Variants in MAPT observed in about 807,000 individuals in gnomAD.
MAPT encodes microtubule-associated protein tau.
MAPT carries 34 observed loss-of-function variants against 67.9 expected under a neutral mutation model. That is an observed-to-expected ratio of 0.50 (90% CI 0.38 to 0.67). The LOEUF (loss-of-function observed/expected upper bound fraction) is 0.67, where lower values mean the gene tolerates loss of function less well. MAPT is among the 30% of genes least tolerant of loss of function. The pLI, the probability that MAPT is intolerant of heterozygous loss-of-function variation, is 0.00. For missense variants in MAPT, 881 were observed against 1,115.2 expected (o/e 0.79, Z 2.99); for synonymous variants, 456 against 464.5 (o/e 0.98, Z 0.23).
At chr17:45,927,700 T>A (rs1568182357) in intron 1 of MAPT, among the ~76,000 whole-genome samples, 1 of 152,136 alleles carries the variant, frequency 6.6e-6, no homozygotes, top group Non-Finnish European at 1.5e-5. Context: ...CCCAGCCAGA[T>A]TTTTTTAAAA....
intron 4 of MAPT, chr17:45,978,658 T>G (rs2072636707): frequency 1.8e-6 from 1 of 569,906 alleles, no homozygotes. Flanking sequence ...AGGCATTTAG[T>G]GTTCTGAAAG....
chr17:45,905,797 T>C (rs1439813189), intron 1 of MAPT, among the ~76,000 whole-genome samples: 1 of 152,234 alleles, frequency 6.6e-6, no homozygotes, highest in African/African-American at 2.4e-5. Flanking sequence ...ATGTGGTCTC[T>C]CTTCTGTTCG....
intron 12 of MAPT, 41 bp from the exon 13 acceptor site, chr17:46,023,915 T>C: frequency 1.3e-6 from 2 of 1,566,576 alleles, no homozygotes; most frequent in Non-Finnish European, 1.8e-6. Flanking sequence ...GGTCTTTCTC[T>C]GGCACTTCAT....
intron 1 of MAPT, among the ~76,000 whole-genome samples, chr17:45,930,338 T>A: frequency 6.8e-6 from 1 of 147,198 alleles, no homozygotes. Flanking sequence ...ACCTGGGAGG[T>A]AGAGGTTGCA....
chr17:46,001,511 C>T (rs144381753), intron 9 of MAPT, among the ~76,000 whole-genome samples: 86 of 152,278 alleles, frequency 5.6e-4, no homozygotes, highest in African/African-American at 1.8e-3. Flanking sequence ...TAAGAGCTGG[C>T]TCCTGGCTGG....
At chr17:46,019,377 C>T (rs988736497) in intron 12 of MAPT, among the ~76,000 whole-genome samples, 1 of 152,084 alleles carries the variant, frequency 6.6e-6, no homozygotes, top group Non-Finnish European at 1.5e-5. Flanking sequence ...GGTGGGGACA[C>T]AGCCAAACCA....
In MAPT at chr17:45,941,701, G is replaced by GCCTTCCTTCCTTCCTTCCTTCCTT. The variant is rs1555690435; in HGVS notation, c.-17-20617_-17-20616insTCCTTCCTTCCTTCCTTCCTTCCT. Among the ~76,000 whole-genome samples, 13 of 73,540 alleles carry GCCTTCCTTCCTTCCTTCCTTCCTT rather than the reference G, an allele frequency of 1.8e-4. 1 individual carries two copies. The highest frequency in any genetic ancestry group is 1.2e-3 in the South Asian group (2 of 1,610). 48.2% of individuals were successfully genotyped at this position (73,540 alleles called of 152,430 possible). ...TTCCCTCCTTCCTTCCTTCCTTCCT[G>GCCTTCCTTCCTTCCTTCCTTCCTT]CCTGCCTTCCTTCCTTCCTTCCTTC... On this transcript the variant is annotated intron_variant, in intron 1 of 12. Transcript: ENST00000262410.
At chr17:45,913,091 G>A (rs773185322) in intron 1 of MAPT, among the ~76,000 whole-genome samples, 6 of 152,192 alleles carry the variant, frequency 3.9e-5, no homozygotes, top group South Asian at 4.1e-4. Context: ...CCGTTTTCAC[G>A]CTGCTGATAA....
At chr17:45,962,764 A>G (rs2070591649) in intron 2 of MAPT, among the ~76,000 whole-genome samples, 2 of 152,168 alleles carry the variant, frequency 1.3e-5, no homozygotes, top group African/African-American at 4.8e-5. Context: ...CGTCTCTAAA[A>G]TAATTTAAAA....
intron 1 of MAPT, among the ~76,000 whole-genome samples, chr17:45,945,266 G>A (rs62062781): frequency 0.14 from 21,818 of 152,238 alleles, 2,137 homozygotes; most frequent in Non-Finnish European, 0.22. Flanking sequence ...GCACCTATGT[G>A]GCTGTGAGGA....
intron 8 of MAPT, among the ~76,000 whole-genome samples, chr17:45,994,689 A>G (rs2074334691): frequency 6.6e-6 from 1 of 152,068 alleles, no homozygotes; most frequent in South Asian, 2.1e-4. Context: ...AAAGACATGG[A>G]AGTCAAATTC....
intron 1 of MAPT, among the ~76,000 whole-genome samples, chr17:45,954,418 T>G (rs2069397787): frequency 6.6e-6 from 1 of 152,134 alleles, no homozygotes; most frequent in African/African-American, 2.4e-5. Flanking sequence ...GCTCTGGAGT[T>G]CATGACCAGC....
At chr17:45,901,054 GA>G (rs762568248) in intron 1 of MAPT, among the ~76,000 whole-genome samples, 1 of 152,146 alleles carries the variant, frequency 6.6e-6, no homozygotes, top group African/African-American at 2.4e-5. Context: ...ATCAAGATAG[GA>G]AAAGTCGGCA....
chr17:46,012,318 G>A (rs907135141), intron 10 of MAPT, among the ~76,000 whole-genome samples: 3 of 152,090 alleles, frequency 2.0e-5, no homozygotes, highest in Non-Finnish European at 4.4e-5. Context: ...TGTGTCCCGC[G>A]CTGTGTTCAT....
At position 46,024,126 on chromosome 17, in the gene MAPT, G is replaced by A. The variant is rs369954009; in HGVS notation, c.2457G>A (p.Thr819=). 35 of 1,613,998 alleles carry A rather than the reference G, an allele frequency of 2.2e-5. No homozygotes were observed. Among genetic ancestry groups the A allele is most frequent in the Admixed American group, 3.3e-5 (2 of 60,008 alleles). Residue 819 remains threonine, a synonymous_variant, in exon 13 of 13, where the codon ACG becomes ACA. Transcript: ENST00000262410. Reference sequence around the variant, plus strand: ...TGGTAGACTCGCCCCAGCTCGCCACGCTAGCTGACGAGGTGTCTGCCTCCC... The same window carrying A: ...TGGTAGACTCGCCCCAGCTCGCCACACTAGCTGACGAGGTGTCTGCCTCCC... ...IDMVDSPQLA[T]LADEVSASLA...
At chr17:45,955,780 G>A (rs1038089667) in intron 1 of MAPT, among the ~76,000 whole-genome samples, 10 of 150,730 alleles carry the variant, frequency 6.6e-5, no homozygotes, top group Non-Finnish European at 1.3e-4. Flanking sequence ...CTATTGCCCA[G>A]GCAGGAGTGC....
At chr17:46,011,168 G>A (rs564691317) in intron 10 of MAPT, among the ~76,000 whole-genome samples, 4 of 152,266 alleles carry the variant, frequency 2.6e-5, no homozygotes, top group South Asian at 2.1e-4. Flanking sequence ...AGACTAAGGC[G>A]GGAGGTTCGC....
intron 9 of MAPT, among the ~76,000 whole-genome samples, chr17:45,998,603 A>G (rs1406775095): frequency 6.6e-6 from 1 of 152,240 alleles, no homozygotes; most frequent in South Asian, 2.1e-4. Context: ...TTTCCTGCTC[A>G]GGCATGTGGA....
chr17:46,014,596 C>T (rs1319327311), intron 11 of MAPT, among the ~76,000 whole-genome samples: 5 of 152,180 alleles, frequency 3.3e-5, no homozygotes, highest in Admixed American at 6.5e-5. Flanking sequence ...TATTCTCGGC[C>T]GGGCGCTGTG....
Sources: gnomAD v4.1 joint callset for allele counts (sites outside exome capture counted in the v4.1 genomes callset) on GRCh38, gnomAD v4.1.1 for gene constraint, MANE v1.5 for transcripts, NCBI Gene and HGNC (gene_info 2026-07-23, HGNC 2026-07-21) for gene names.